Variants in PUS10 observed in about 807,000 individuals in gnomAD.
The protein encoded by PUS10 is tRNA pseudouridine synthase Pus10.
In PUS10, 59 loss-of-function variants were observed where a neutral mutation model predicts 75.0. The ratio of observed to expected loss-of-function variants is 0.79; its 90% CI spans 0.64 to 0.98. The LOEUF (loss-of-function observed/expected upper bound fraction) is 0.98, where lower values mean the gene tolerates loss of function less well. Among genes scored for constraint, PUS10 ranks in the 50% least tolerant of loss-of-function variants. The probability of loss-of-function intolerance (pLI) is 0.00; values close to 1 mark genes in which losing one functional copy is unlikely to be tolerated. For synonymous variants in PUS10, 219 were observed against 211.6 expected, an observed-to-expected ratio of 1.03 and a Z score of -0.30; for missense variants, 650 against 614.4, an observed-to-expected ratio of 1.06 and a Z score of -0.61.
intron 7 of PUS10, 69 bp from the exon 8 acceptor site, chr2:60,965,172 A>T: frequency 6.9e-7 from 1 of 1,455,790 alleles, no homozygotes; most frequent in East Asian, 2.3e-5. Flanking sequence ...ATTCAAATAT[A>T]TTTCATACAA....
At chr2:60,968,259 T>C (rs575826029) in intron 5 of PUS10, among the ~76,000 whole-genome samples, 9 of 152,162 alleles carry the variant, frequency 5.9e-5, no homozygotes, top group Non-Finnish European at 1.2e-4. Flanking sequence ...CTTTAGTTTG[T>C]AACCTAAAAT....
intron 11 of PUS10, among the ~76,000 whole-genome samples, chr2:60,955,806 C>A (rs1330437083): frequency 1.3e-5 from 2 of 152,112 alleles, no homozygotes; most frequent in East Asian, 3.8e-4. Context: ...AAGGCAGAGT[C>A]CTGTTTGGAA....
In PUS10 at chr2:61,018,175, T is replaced by C; in HGVS notation, c.-183A>G. 1 of 1,550,810 alleles carries C rather than the reference T, an allele frequency of 6.4e-7. No individual in the cohort carries two copies. The highest frequency in any genetic ancestry group is 8.7e-7 in the Non-Finnish European group (1 of 1,146,884). ...TCACTTTGACAGAATGGCTTCTCTA[T>C]CTTTAAAGCGTAGACTTTGGTCTGT... On this transcript the variant is annotated 5_prime_UTR_variant, in exon 1 of 18. Coordinates refer to ENST00000316752, the MANE Select transcript of PUS10 (RefSeq NM_144709.4).
At chr2:60,942,568 TA>T in intron 17 of PUS10, 135 bp from the exon 18 acceptor site, 1 of 677,500 alleles carries the variant, frequency 1.5e-6, no homozygotes, top group East Asian at 2.7e-5. Context: ...AGCTATTGAA[TA>T]CCATAAATTA....
chr2:61,008,608 T>G (rs944928712), intron 3 of PUS10, among the ~76,000 whole-genome samples, 153 bp downstream of exon 3: 5 of 152,206 alleles, frequency 3.3e-5, no homozygotes, highest in Admixed American at 6.5e-5. Flanking sequence ...TGCAGTCAGC[T>G]GTGATTGTAC....
At chr2:60,977,271 G>A (rs1240841859) in intron 4 of PUS10, among the ~76,000 whole-genome samples, 3 of 152,096 alleles carry the variant, frequency 2.0e-5, no homozygotes, top group Non-Finnish European at 2.9e-5. Context: ...GACAGAGAGA[G>A]GTGTTAAAAA....
chr2:61,005,130 G>A (rs1415223762), intron 4 of PUS10, among the ~76,000 whole-genome samples: 1 of 152,090 alleles, frequency 6.6e-6, no homozygotes, highest in African/African-American at 2.4e-5. Context: ...GCGTGGTGAC[G>A]CATGCCTGTA....
intron 9 of PUS10, 23 bp from the exon 10 acceptor site, chr2:60,961,571 T>C (rs772140482): frequency 1.9e-6 from 3 of 1,586,526 alleles, no homozygotes; most frequent in African/African-American, 2.7e-5. Flanking sequence ...ATAAATTTTA[T>C]AGCTATTTTC....
intron 5 of PUS10, 125 bp from the exon 6 acceptor site, chr2:60,967,738 C>T (rs1439292017): frequency 6.7e-6 from 4 of 595,370 alleles, no homozygotes; most frequent in African/African-American, 1.9e-5. Context: ...CACTATTCTA[C>T]ACATTAAATA....
intron 10 of PUS10, 82 bp downstream of exon 10, chr2:60,961,381 T>G (rs1305006748): frequency 1.0e-6 from 1 of 995,760 alleles, no homozygotes; most frequent in Non-Finnish European, 1.6e-6. Flanking sequence ...ACAATAAGAA[T>G]AAAATAGAAC....
rs1675506484 is a variant in PUS10 at position 60,954,079 on chromosome 2, T to C, written c.1134+3A>G. On this transcript the variant is annotated splice_donor_region_variant and intron_variant, in intron 13 of 17. Transcript: ENST00000316752. Reference sequence around the variant, plus strand: ...ACGATTTCCATGGCATGAAGTGGTTTACCTGCTGAAGTTCCTTAATTTCTT... The same window carrying C: ...ACGATTTCCATGGCATGAAGTGGTTCACCTGCTGAAGTTCCTTAATTTCTT... 1 of 1,614,052 alleles carries C rather than the reference T, an allele frequency of 6.2e-7. No individual in the cohort carries two copies. Among genetic ancestry groups the C allele is most frequent in the South Asian group, 1.1e-5 (1 of 91,084 alleles).
chr2:60,965,034 TAAG>T, intron 8 of PUS10, 21 bp downstream of exon 8: 1 of 1,610,622 alleles, frequency 6.2e-7, no homozygotes, highest in African/African-American at 1.3e-5. Context: ...CACTCAAGAC[TAAG>T]AAGCGGGAAC....
At chr2:60,968,216 T>C (rs955611360) in intron 5 of PUS10, among the ~76,000 whole-genome samples, 2 of 152,088 alleles carry the variant, frequency 1.3e-5, no homozygotes, top group Non-Finnish European at 2.9e-5. Flanking sequence ...AGACAATAAA[T>C]AGGTTTTGGG....
At chr2:60,991,682 G>GA (rs1678090015) in intron 4 of PUS10, among the ~76,000 whole-genome samples, 1 of 152,114 alleles carries the variant, frequency 6.6e-6, no homozygotes, top group African/African-American at 2.4e-5. Context: ...AAGAGTAAAG[G>GA]AAAAACTGTA....
In PUS10 at chr2:60,945,022, T is replaced by G; in HGVS notation, c.1538A>C (p.Glu513Ala). The change falls in exon 17 of 18, where the codon GAG (glutamate) becomes GCG (alanine). Residue 513 changes from glutamate (E) to alanine (A), a missense_variant. Transcript: ENST00000316752. Reference protein sequence around the residue: ...SLMNVTADILELDVESVDVDW... With the variant: ...SLMNVTADILALDVESVDVDW... The stretch of plus-strand genomic sequence containing the variant: ...AAAATGGTTTACCTCAACATCCAGC[T>G]CCAGAATGTCTGCAGTCACATTCAT... 3 of 1,613,132 alleles carry G rather than the reference T, an allele frequency of 1.9e-6. No individual in the cohort carries two copies. The highest frequency in any genetic ancestry group is 2.5e-6 in the Non-Finnish European group (3 of 1,179,100).
rs564448715 is a variant in PUS10 at position 60,973,486 on chromosome 2, C to T, written c.469-1929G>A. ...AGCCTGGGCACTGTCGCAGCCCAGC[C>T]AGGTGTGTGCACACTCATGGCAGTG... On this transcript the variant is annotated intron_variant, in intron 4 of 17. Transcript: ENST00000316752. Among the ~76,000 whole-genome samples the T allele has an allele frequency of 1.9e-3, 282 of 152,374 alleles. 1 individual carries two copies. Among genetic ancestry groups the T allele is most frequent in the African/African-American group, 6.5e-3 (271 of 41,590 alleles).
intron 1 of PUS10, among the ~76,000 whole-genome samples, chr2:61,014,139 C>T (rs1055678717): frequency 6.6e-6 from 1 of 152,090 alleles, no homozygotes; most frequent in East Asian, 1.9e-4. Flanking sequence ...TTTGGGAAGC[C>T]GAGGCGGGCG....
intron 4 of PUS10, among the ~76,000 whole-genome samples, chr2:60,980,846 G>A (rs987278494): frequency 3.3e-5 from 5 of 152,150 alleles, no homozygotes; most frequent in African/African-American, 1.2e-4. Flanking sequence ...AAATTAAATT[G>A]TTATATGTAG....
chr2:61,008,108 C>A (rs902681283), intron 3 of PUS10, among the ~76,000 whole-genome samples: 1 of 151,938 alleles, frequency 6.6e-6, no homozygotes, highest in African/African-American at 2.4e-5. Context: ...TTGGCCTTGG[C>A]CGGGTACAGT....
Sources: allele counts gnomAD v4.1 joint callset (sites outside exome capture counted in the v4.1 genomes callset), GRCh38; gene constraint gnomAD v4.1.1; transcripts MANE v1.5; gene names NCBI Gene and HGNC (gene_info 2026-07-23, HGNC 2026-07-21).